Variants in KHDRBS2 observed in about 807,000 individuals in gnomAD.
The protein encoded by KHDRBS2 is KH RNA binding domain containing, signal transduction associated 2.
Under a neutral mutation model 44.3 loss-of-function variants are expected in KHDRBS2, and 26 were observed. The observed-to-expected ratio is 0.59, with a 90% CI of 0.43 to 0.81. The LOEUF (loss-of-function observed/expected upper bound fraction) is 0.81. Among genes scored for constraint, KHDRBS2 ranks in the 40% least tolerant of loss-of-function variants. The pLI, the probability that KHDRBS2 is intolerant of heterozygous loss-of-function variation, is 0.00. For synonymous variants in KHDRBS2, 194 were observed against 151.1 expected (o/e 1.28, Z -2.08); for missense variants, 476 against 433.1 (o/e 1.10, Z -0.88).
intron 3 of KHDRBS2, among the ~76,000 whole-genome samples, chr6:62,018,944 A>T (rs1028247389): frequency 1.4e-4 from 21 of 152,120 alleles, no homozygotes; most frequent in African/African-American, 4.6e-4. Flanking sequence ...GTTATTAGTT[A>T]TACATATATT....
At chr6:62,208,444 T>G (rs1056763764) in intron 1 of KHDRBS2, among the ~76,000 whole-genome samples, 10 of 152,162 alleles carry the variant, frequency 6.6e-5, no homozygotes, top group African/African-American at 2.4e-4. Context: ...ATTGTATATG[T>G]ACACATATTA....
intron 7 of KHDRBS2, among the ~76,000 whole-genome samples, chr6:61,700,144 A>G (rs112493572): frequency 1.4e-5 from 1 of 69,426 alleles, no homozygotes; most frequent in African/African-American, 3.2e-5. Flanking sequence ...AAATGCTGGC[A>G]TTAAGGGAAG....
At chr6:61,903,369 A>T (rs1159271005) in intron 4 of KHDRBS2, among the ~76,000 whole-genome samples, 1 of 152,120 alleles carries the variant, frequency 6.6e-6, no homozygotes, top group Non-Finnish European at 1.5e-5. Context: ...GAGGGTTAGA[A>T]TAAACATTTT....
the KHDRBS2 span, among the ~76,000 whole-genome samples, chr6:61,653,863 A>G: frequency 6.7e-6 from 1 of 149,304 alleles, no homozygotes; most frequent in Admixed American, 6.8e-5. Flanking sequence ...GAAAAAATTT[A>G]TAAAATACTA....
chr6:62,017,220 A>G (rs1172787281), intron 3 of KHDRBS2, among the ~76,000 whole-genome samples: 1 of 152,164 alleles, frequency 6.6e-6, no homozygotes, highest in African/African-American at 2.4e-5. Context: ...TGGTGTTTTC[A>G]GTAGCACTCT....
intron 3 of KHDRBS2, among the ~76,000 whole-genome samples, chr6:62,027,888 T>C (rs1783657011): frequency 6.6e-6 from 1 of 152,082 alleles, no homozygotes; most frequent in Admixed American, 6.6e-5. Context: ...ACCAATAATC[T>C]AGTTAAGTAA....
intron 4 of KHDRBS2, among the ~76,000 whole-genome samples, chr6:61,956,189 T>C (rs1767238230): frequency 6.6e-6 from 1 of 150,550 alleles, no homozygotes; most frequent in African/African-American, 2.5e-5. Flanking sequence ...CAAGACTCCT[T>C]GTCAAAAAAA....
chr6:61,956,965 CGAACGGAG>C (rs1383198226), intron 4 of KHDRBS2, among the ~76,000 whole-genome samples: 1 of 150,194 alleles, frequency 6.7e-6, no homozygotes, highest in Non-Finnish European at 1.5e-5. Flanking sequence ...TCAGGGACCC[CGAACGGAG>C]GAACCAGCTG....
chr6:62,050,845 T>G (rs1788859774), intron 2 of KHDRBS2, among the ~76,000 whole-genome samples: 1 of 152,054 alleles, frequency 6.6e-6, no homozygotes, highest in African/African-American at 2.4e-5. Flanking sequence ...TGCACGTGAA[T>G]GCTCATGACA....
chr6:62,115,419 A>G (rs938388927), intron 2 of KHDRBS2, among the ~76,000 whole-genome samples: 20 of 152,192 alleles, frequency 1.3e-4, no homozygotes, highest in African/African-American at 4.8e-4. Flanking sequence ...TATTGACTTC[A>G]GAGAGATAAA....
In KHDRBS2 at chr6:62,086,955, A is replaced by G. The variant is rs1798504983; in HGVS notation, c.220-38961T>C. On this transcript the variant is annotated intron_variant, in intron 2 of 8. Coordinates refer to ENST00000281156, the MANE Select transcript of KHDRBS2 (RefSeq NM_152688.4). ...CAGTGCAATAACTGAAAAAAAAAAA[A>G]GGAAAAGATATAGGTGAGAAAAGGG... Among the ~76,000 whole-genome samples the G allele has an allele frequency of 3.9e-5, 6 of 152,026 alleles. No individual in the cohort carries two copies. The South Asian group carries it at 1.2e-3, about 32-fold the overall frequency.
intron 1 of KHDRBS2, among the ~76,000 whole-genome samples, chr6:62,220,468 A>C (rs1049483003): frequency 6.6e-6 from 1 of 151,922 alleles, no homozygotes; most frequent in Admixed American, 6.6e-5. Flanking sequence ...GTATGTATGC[A>C]AGTATGTATA....
intron 1 of KHDRBS2, among the ~76,000 whole-genome samples, chr6:62,262,647 T>G (rs1233438288): frequency 1.3e-5 from 2 of 151,588 alleles, no homozygotes; most frequent in Non-Finnish European, 3.0e-5. Context: ...TTCTGATAAA[T>G]TTTTTTGGGG....
chr6:61,792,793 G>T (rs993651422), intron 6 of KHDRBS2, among the ~76,000 whole-genome samples: 5 of 151,850 alleles, frequency 3.3e-5, no homozygotes, highest in Non-Finnish European at 5.9e-5. Flanking sequence ...GCATGTTCCT[G>T]AATAGAAAGA....
chr6:61,976,413 A>G (rs1772670914), intron 4 of KHDRBS2, among the ~76,000 whole-genome samples: 1 of 152,178 alleles, frequency 6.6e-6, no homozygotes, highest in African/African-American at 2.4e-5. Context: ...TGTATTACTG[A>G]CATTTCTAAT....
intron 3 of KHDRBS2, among the ~76,000 whole-genome samples, chr6:62,017,166 G>C (rs1781365016): frequency 6.6e-6 from 1 of 152,014 alleles, no homozygotes; most frequent in Non-Finnish European, 1.5e-5. Flanking sequence ...TCTTCAGATT[G>C]ATGGACCACA....
chr6:61,983,433 C>A (rs564026018), intron 3 of KHDRBS2, among the ~76,000 whole-genome samples: 17 of 151,458 alleles, frequency 1.1e-4, no homozygotes, highest in Non-Finnish European at 2.2e-4. Flanking sequence ...GGAAAACTGG[C>A]CTGATACTTA....
intron 7 of KHDRBS2, among the ~76,000 whole-genome samples, chr6:61,698,990 T>C (rs1768243559): frequency 6.6e-6 from 1 of 152,128 alleles, no homozygotes; most frequent in Non-Finnish European, 1.5e-5. Context: ...ATACATATTA[T>C]ATAAACAAAC....
chr6:62,110,420 A>T (rs1804728707), intron 2 of KHDRBS2, among the ~76,000 whole-genome samples: 1 of 152,088 alleles, frequency 6.6e-6, no homozygotes, highest in African/African-American at 2.4e-5. Context: ...CTTGGAAAGA[A>T]ACCAAACCTG....
Sources: gnomAD v4.1 joint callset for allele counts (sites outside exome capture counted in the v4.1 genomes callset) on GRCh38, gnomAD v4.1.1 for gene constraint, MANE v1.5 for transcripts, NCBI Gene and HGNC (gene_info 2026-07-23, HGNC 2026-07-21) for gene names.